The following PAX7 variants were observed in gnomAD, a reference collection of about 807,000 sequenced individuals.
PAX7 encodes the protein paired box protein Pax-7.
Under a neutral mutation model 50.7 loss-of-function variants are expected in PAX7, and 18 were observed. The observed-to-expected ratio is 0.36, with a 90% CI of 0.25 to 0.53. PAX7 has a LOEUF of 0.53. Ranked by LOEUF, PAX7 falls within the 20% of genes least tolerant of loss-of-function variation. The pLI, the probability that PAX7 is intolerant of heterozygous loss-of-function variation, is 0.93. For missense variants in PAX7, 644 were observed against 702.9 expected, an observed-to-expected ratio of 0.92 and a Z score of 0.95; for synonymous variants, 310 against 290.4, an observed-to-expected ratio of 1.07 and a Z score of -0.69.
intron 4 of PAX7, among the ~76,000 whole-genome samples, chr1:18,647,095 A>T (rs1055732148): frequency 2.6e-5 from 4 of 151,724 alleles, no homozygotes; most frequent in African/African-American, 9.7e-5. Context: ...CAGAACGCAC[A>T]AAACCCACAA....
chr1:18,674,476 G>T (rs2088796622), intron 4 of PAX7, among the ~76,000 whole-genome samples: 1 of 152,100 alleles, frequency 6.6e-6, no homozygotes, highest in Admixed American at 6.5e-5. Flanking sequence ...GAAAAGAGGT[G>T]AGTTCAGAGC....
At chr1:18,737,509 G>A (rs955083976) in intron 8 of PAX7, among the ~76,000 whole-genome samples, 8 of 152,282 alleles carry the variant, frequency 5.3e-5, no homozygotes, top group Non-Finnish European at 1.0e-4. Flanking sequence ...TTGTGAGTAC[G>A]TATGTTGGGA....
chr1:18,728,116 T>A (rs2089596929), intron 7 of PAX7, among the ~76,000 whole-genome samples: 1 of 152,070 alleles, frequency 6.6e-6, no homozygotes, highest in South Asian at 2.1e-4. Context: ...GGCATGCGTG[T>A]GTCTGGGTGT....
At chr1:18,715,289 TGCA>T (rs2089404661) in intron 7 of PAX7, among the ~76,000 whole-genome samples, 1 of 152,354 alleles carries the variant, frequency 6.6e-6, no homozygotes, top group East Asian at 1.9e-4. Flanking sequence ...GCTTTCCCTG[TGCA>T]GTTACCACAT....
intron 6 of PAX7, among the ~76,000 whole-genome samples, chr1:18,702,019 C>T (rs150006039): frequency 6.6e-6 from 1 of 152,208 alleles, no homozygotes; most frequent in Non-Finnish European, 1.5e-5. Flanking sequence ...CAGCACACAC[C>T]AGGAATACCA....
At position 18,747,963 on chromosome 1, in the gene PAX7, T is replaced by A. The variant is rs1557566479; in HGVS notation, c.*3034T>A. 1 of 200,054 alleles carries A rather than the reference T, an allele frequency of 5.0e-6. No homozygotes were observed. The highest frequency in any genetic ancestry group is 1.0e-5 in the Non-Finnish European group (1 of 96,942). The allele number at this position is 200,054 out of a possible 1,614,324, so 12.4% of individuals were successfully genotyped here. On this transcript the variant is annotated 3_prime_UTR_variant, in exon 9 of 9. Coordinates refer to ENST00000420770, the MANE Select transcript of PAX7 (RefSeq NM_001135254.2). ...CAATCTTGTTCCTTTATTTTTTTCA[T>A]TTGGTATTTCTCTCTTGCTATATAA...
At chr1:18,681,646 C>A (rs74733513) in intron 4 of PAX7, among the ~76,000 whole-genome samples, 63 of 152,244 alleles carry the variant, frequency 4.1e-4, no homozygotes, top group African/African-American at 1.4e-3. Flanking sequence ...GCAGTTTCCC[C>A]TTGCATCAGA....
At chr1:18,719,287 G>T (rs1328092912) in intron 7 of PAX7, among the ~76,000 whole-genome samples, 1 of 152,206 alleles carries the variant, frequency 6.6e-6, no homozygotes, top group Non-Finnish European at 1.5e-5. Context: ...CACAAAAGAG[G>T]TAACCCGTGT....
chr1:18,639,992 C>A (rs1482478588), intron 4 of PAX7, among the ~76,000 whole-genome samples: 5 of 26,424 alleles, frequency 1.9e-4, no homozygotes, highest in Admixed American at 8.5e-4. Flanking sequence ...GGGGACGGGG[C>A]GGGGGGGAAA....
intron 4 of PAX7, among the ~76,000 whole-genome samples, chr1:18,656,456 C>T (rs993555355): frequency 3.3e-5 from 5 of 152,094 alleles, no homozygotes; most frequent in African/African-American, 4.8e-5. Context: ...GCCGAGATAC[C>T]GCCACTGCAC....
At chr1:18,640,478 G>T (rs925427884) in intron 4 of PAX7, among the ~76,000 whole-genome samples, 1 of 151,988 alleles carries the variant, frequency 6.6e-6, no homozygotes, top group Non-Finnish European at 1.5e-5. Context: ...AGGAAGGGGC[G>T]GGGGCGGAGA....
At chr1:18,689,231 C>T (rs1232846831) in intron 4 of PAX7, among the ~76,000 whole-genome samples, 6 of 152,222 alleles carry the variant, frequency 3.9e-5, no homozygotes, top group Admixed American at 2.6e-4. Flanking sequence ...CAAGGGCTGG[C>T]TTCCGTTGTC....
rs561335156 is a variant in PAX7, at chr1:18,717,238, C to G, written c.1155+13942C>G. Among the ~76,000 whole-genome samples, 354 of 152,250 alleles carry G rather than the reference C, an allele frequency of 2.3e-3. 1 individual carries two copies. The highest frequency in any genetic ancestry group is 7.6e-3 in the African/African-American group (315 of 41,546). The stretch of plus-strand genomic sequence containing the variant: ...TCCCGAGCAGCCGCGCGCCTGGCCG[C>G]CCCCCGGACTGCGGAGCCGCCGCTC... On this transcript the variant is annotated intron_variant, in intron 7 of 8. Transcript: ENST00000420770.
intron 7 of PAX7, among the ~76,000 whole-genome samples, chr1:18,731,895 G>A (rs1274393043): frequency 6.6e-6 from 1 of 152,164 alleles, no homozygotes; most frequent in Non-Finnish European, 1.5e-5. Flanking sequence ...GAGCCACCGG[G>A]CACCACCCAA....
At chr1:18,744,725 G>T in intron 8 of PAX7, 89 bp from the exon 9 acceptor site, 1 of 732,412 alleles carries the variant, frequency 1.4e-6, no homozygotes, top group Non-Finnish European at 2.5e-6. Flanking sequence ...TGGATGGATG[G>T]ATGGATGGAT....
At chr1:18,701,698 T>C (rs1237538245) in intron 6 of PAX7, among the ~76,000 whole-genome samples, 2 of 152,208 alleles carry the variant, frequency 1.3e-5, no homozygotes, top group Non-Finnish European at 2.9e-5. Context: ...CCCCCCACTC[T>C]GGGGTGAACA....
At chr1:18,728,876 AC>A (rs1449577550) in intron 7 of PAX7, among the ~76,000 whole-genome samples, 1 of 151,840 alleles carries the variant, frequency 6.6e-6, no homozygotes, top group Non-Finnish European at 1.5e-5. Flanking sequence ...AAAAAAAAAA[AC>A]AAAAAACTCC....
intron 4 of PAX7, among the ~76,000 whole-genome samples, chr1:18,691,516 A>G (rs1031091577): frequency 6.6e-6 from 1 of 152,236 alleles, no homozygotes; most frequent in Non-Finnish European, 1.5e-5. Context: ...GAAAGGTTTT[A>G]CAAGAAAGTA....
chr1:18,686,890 A>T (rs531781464), intron 4 of PAX7, among the ~76,000 whole-genome samples: 2 of 24,454 alleles, frequency 8.2e-5, no homozygotes, highest in African/African-American at 6.0e-4. Flanking sequence ...TTATTTTATT[A>T]TTATTATTAT....
Sources: gnomAD v4.1 joint callset for allele counts (sites outside exome capture counted in the v4.1 genomes callset) on GRCh38, gnomAD v4.1.1 for gene constraint, MANE v1.5 for transcripts, NCBI Gene and HGNC (gene_info 2026-07-23, HGNC 2026-07-21) for gene names.